Variants in C12orf54 observed in about 807,000 individuals in gnomAD.
C12orf54 encodes uncharacterized protein C12orf54.
In C12orf54, 24 loss-of-function variants were observed where a neutral mutation model predicts 26.4. That is an observed-to-expected ratio of 0.91 (90% CI 0.66 to 1.28). C12orf54 has a LOEUF of 1.28. Ranked by LOEUF, C12orf54 falls within the 50% of genes most tolerant of loss-of-function variation. The probability of loss-of-function intolerance (pLI) is 0.00; values close to 1 mark genes in which losing one functional copy is unlikely to be tolerated. For missense variants in C12orf54, 154 were observed against 150.9 expected (o/e 1.02, Z -0.11); for synonymous variants, 54 against 47.0 (o/e 1.15, Z -0.61).
chr12:48,494,790 TGG>T lies in C12orf54; in HGVS notation c.243-7_243-6del. The T allele has an allele frequency of 6.2e-7, 1 of 1,613,138 alleles. No individual in the cohort carries two copies. Among genetic ancestry groups the T allele is most frequent in the Non-Finnish European group, 8.5e-7 (1 of 1,179,136 alleles). ...CTCATGTCTACAACTTTCTCTATTT[TGG>T]CACAGAAGCATAAGGCCTCCAGATT... is the stretch of plus-strand genomic sequence containing the variant. On this transcript the variant is annotated splice_region_variant and splice_polypyrimidine_tract_variant and intron_variant, in intron 7 of 8. Transcript: ENST00000548364.
chr12:48,415,271 C>G, the C12orf54 span, among the ~76,000 whole-genome samples: 4 of 152,222 alleles, frequency 2.6e-5, no homozygotes, highest in African/African-American at 9.7e-5. Flanking sequence ...TTCACATCCT[C>G]TAAACATACT....
the C12orf54 span, among the ~76,000 whole-genome samples, chr12:48,440,418 C>A: frequency 1.3e-5 from 2 of 152,090 alleles, no homozygotes; most frequent in African/African-American, 4.8e-5. Flanking sequence ...GTCCACATGC[C>A]TCCCTCAAAT....
intron 4 of C12orf54, chr12:48,488,514 T>A (rs971774689): frequency 2.7e-6 from 1 of 375,360 alleles, no homozygotes. Context: ...GAAAAGAAAG[T>A]GCCGGAACTT....
the C12orf54 span, among the ~76,000 whole-genome samples, chr12:48,458,049 C>T: frequency 6.6e-6 from 1 of 152,226 alleles, no homozygotes; most frequent in African/African-American, 2.4e-5. Flanking sequence ...GTGGCCTGTG[C>T]TTTACTTCCC....
chr12:48,415,775 T>C, the C12orf54 span, among the ~76,000 whole-genome samples: 1 of 152,184 alleles, frequency 6.6e-6, no homozygotes, highest in Non-Finnish European at 1.5e-5. Flanking sequence ...CATTTGACCA[T>C]TTTCTAGAGC....
chr12:48,422,534 A>G, the C12orf54 span, among the ~76,000 whole-genome samples: 4 of 152,340 alleles, frequency 2.6e-5, no homozygotes, highest in Admixed American at 6.5e-5. Context: ...TGAGTAAAAA[A>G]TGAGTACACA....
chr12:48,475,197 G>C, the C12orf54 span, among the ~76,000 whole-genome samples: 1 of 152,186 alleles, frequency 6.6e-6, no homozygotes, highest in African/African-American at 2.4e-5. Flanking sequence ...CTGTCTGTTA[G>C]AAGGAAAACT....
chr12:48,430,767 T>A, the C12orf54 span, among the ~76,000 whole-genome samples: 31 of 152,304 alleles, frequency 2.0e-4, no homozygotes, highest in Non-Finnish European at 3.2e-4. Context: ...AAAGTGGAAC[T>A]ACCATTTGAT....
At chr12:48,432,163 C>G in the C12orf54 span, among the ~76,000 whole-genome samples, 1 of 152,284 alleles carries the variant, frequency 6.6e-6, no homozygotes, top group East Asian at 1.9e-4. Flanking sequence ...AGAACATGCA[C>G]TGATACAATT....
chr12:48,428,867 A>C, the C12orf54 span, among the ~76,000 whole-genome samples: 11 of 152,288 alleles, frequency 7.2e-5, no homozygotes, highest in African/African-American at 2.6e-4. Flanking sequence ...ATAACCAAAA[A>C]AGAAAACTAC....
upstream of C12orf54, among the ~76,000 whole-genome samples, chr12:48,479,976 G>A (rs1163004227): frequency 2.0e-5 from 3 of 151,866 alleles, no homozygotes; most frequent in Non-Finnish European, 4.4e-5. Context: ...CTTCATTTTT[G>A]TTACCTGATA....
At chr12:48,418,450 G>A in the C12orf54 span, among the ~76,000 whole-genome samples, 1 of 152,178 alleles carries the variant, frequency 6.6e-6, no homozygotes, top group Non-Finnish European at 1.5e-5. Context: ...TGTGTGAAGA[G>A]TAAGTTGCCT....
chr12:48,481,658 T>C (rs1954200630), upstream of C12orf54, among the ~76,000 whole-genome samples: 1 of 152,176 alleles, frequency 6.6e-6, no homozygotes, highest in Admixed American at 6.5e-5. Flanking sequence ...GGTTGCATGA[T>C]TTGTGAGTCC....
chr12:48,465,391 A>G, the C12orf54 span, among the ~76,000 whole-genome samples: 3 of 152,218 alleles, frequency 2.0e-5, no homozygotes, highest in Non-Finnish European at 4.4e-5. Flanking sequence ...CAGAATGACT[A>G]TTATTAAAAA....
At chr12:48,417,312 G>A in the C12orf54 span, 3 of 152,142 alleles carry the variant, frequency 2.0e-5, no homozygotes, top group African/African-American at 4.8e-5. Flanking sequence ...GGATGAACTC[G>A]GAGATAATGC....
At chr12:48,477,921 A>G (rs2137079670), upstream of C12orf54, among the ~76,000 whole-genome samples, 1 of 152,334 alleles carries the variant, frequency 6.6e-6, no homozygotes, top group East Asian at 1.9e-4. Flanking sequence ...TCCTGATACC[A>G]AAGCCTGGCA....
the C12orf54 span, among the ~76,000 whole-genome samples, chr12:48,424,347 C>A: frequency 6.6e-6 from 1 of 152,018 alleles, no homozygotes; most frequent in Admixed American, 6.6e-5. Flanking sequence ...ATCAGAGTCC[C>A]AAGAAGTGAA....
the C12orf54 span, among the ~76,000 whole-genome samples, chr12:48,431,360 G>T: frequency 9.2e-5 from 14 of 152,192 alleles, no homozygotes; most frequent in Non-Finnish European, 1.3e-4. Context: ...GATTATCTGG[G>T]TATTCACTAT....
chr12:48,469,900 C>G, the C12orf54 span, among the ~76,000 whole-genome samples: 11 of 152,090 alleles, frequency 7.2e-5, no homozygotes, highest in Admixed American at 5.2e-4. Context: ...TGTTTATGTT[C>G]CTGAATGCCC....
Sources: gnomAD v4.1 joint callset for allele counts (sites outside exome capture counted in the v4.1 genomes callset) on GRCh38, gnomAD v4.1.1 for gene constraint, MANE v1.5 for transcripts, NCBI Gene and HGNC (gene_info 2026-07-23, HGNC 2026-07-21) for gene names.